The following ANKRD60 variants were observed in gnomAD, a reference collection of about 807,000 sequenced individuals.
The protein encoded by ANKRD60 is ankyrin repeat domain-containing protein 60.
ANKRD60 carries 24 observed loss-of-function variants against 21.3 expected under a neutral mutation model. That is an observed-to-expected ratio of 1.13 (90% CI 0.82 to 1.59). ANKRD60 has a LOEUF of 1.59. Ranked by LOEUF, ANKRD60 falls within the 40% of genes most tolerant of loss-of-function variation. The pLI is 0.00. For missense variants in ANKRD60, 490 were observed against 466.7 expected (o/e 1.05, Z -0.46); for synonymous variants, 182 against 199.4 (o/e 0.91, Z 0.74).
In ANKRD60 at chr20:58,228,164, T is replaced by C. The variant is rs1984402731; in HGVS notation, c.430+60A>G. The C allele has an allele frequency of 1.4e-6, 2 of 1,459,398 alleles. No homozygotes were observed. The highest frequency in any genetic ancestry group is 4.4e-5 in the Admixed American group (2 of 45,138). The allele number at this position is 1,459,398 out of a possible 1,614,324, so 90.4% of individuals were successfully genotyped here. A position where few individuals can be genotyped will look rare whatever the true frequency, so the allele number is the denominator to read the frequency against. On this transcript the variant is annotated intron_variant, in intron 1 of 3. Transcript: ENST00000457363. This position sits in a 1 kb window ranked among gnomAD's most constrained non-coding sequence, Gnocchi z 5.3. Reference sequence around the variant, plus strand: ...AGCAGGCTTCCCTTTGGGAATCCACTTCAGAAGTGGACAGGGTGCCCTTGC... The same window carrying C: ...AGCAGGCTTCCCTTTGGGAATCCACCTCAGAAGTGGACAGGGTGCCCTTGC...
intron 2 of ANKRD60, among the ~76,000 whole-genome samples, chr20:58,222,779 G>A (rs549851564): frequency 6.6e-6 from 1 of 152,332 alleles, no homozygotes; most frequent in East Asian, 1.9e-4. Flanking sequence ...TTATAAACAT[G>A]AATAGAAACG....
intron 2 of ANKRD60, among the ~76,000 whole-genome samples, 174 bp from the exon 3 acceptor site, chr20:58,221,677 G>C (rs564079459): frequency 6.6e-6 from 1 of 152,282 alleles, no homozygotes; most frequent in Admixed American, 6.5e-5. Context: ...GGACAGCATG[G>C]GGAGGCCATG....
chr20:58,227,527 G>C (rs538095088), intron 1 of ANKRD60, among the ~76,000 whole-genome samples: 13 of 152,204 alleles, frequency 8.5e-5, no homozygotes, highest in African/African-American at 3.1e-4. Flanking sequence ...TCCTGGGGGG[G>C]ATGTGGTAGC....
intron 1 of ANKRD60, among the ~76,000 whole-genome samples, chr20:58,226,662 G>A (rs879858992): frequency 2.0e-5 from 3 of 152,158 alleles, no homozygotes; most frequent in Non-Finnish European, 2.9e-5. Context: ...GTTCAGATAT[G>A]TGTGGGTTTG....
At chr20:58,218,831 A>C (rs1208896247) in intron 3 of ANKRD60, 26 bp from the exon 4 acceptor site, 4 of 1,510,982 alleles carry the variant, frequency 2.6e-6, no homozygotes, top group Non-Finnish European at 3.6e-6. Flanking sequence ...ATTGGCCAGA[A>C]GGAAGACATG....
chr20:58,220,454 T>G (rs947863318), intron 3 of ANKRD60, among the ~76,000 whole-genome samples: 4 of 150,740 alleles, frequency 2.7e-5, no homozygotes, highest in Non-Finnish European at 5.9e-5. Context: ...GAGACAATGT[T>G]GGCTAAGGCT....
exon 3 of ANKRD60, chr20:58,221,494 G>A: frequency 6.4e-7 from 1 of 1,551,662 alleles, no homozygotes; most frequent in Non-Finnish European, 8.7e-7. Flanking sequence ...GTAAGCCCGA[G>A]ACAAGATAGC....
intron 3 of ANKRD60, among the ~76,000 whole-genome samples, chr20:58,220,024 A>G (rs981352587): frequency 6.6e-6 from 1 of 152,210 alleles, no homozygotes; most frequent in African/African-American, 2.4e-5. Context: ...GCACGGCCCA[A>G]TCATCCGGCC....
chr20:58,222,801 C>A lies in ANKRD60; in HGVS notation c.561+251G>T, dbSNP rs138696577. Among the ~76,000 whole-genome samples the A allele has an allele frequency of 8.1e-3, 1,232 of 152,332 alleles. 20 individuals carry two copies. Among genetic ancestry groups the A allele is most frequent in the African/African-American group, 0.028 (1,178 of 41,582 alleles). On this transcript the variant is annotated intron_variant, in intron 2 of 3. Coordinates refer to ENST00000457363, the Ensembl canonical transcript of ANKRD60. Reference sequence around the variant, plus strand: ...CATGAATAGAAACGTGCTGCCTCGACTCCTTTGCGGGGAGGGGTGGGGCGG... The same window carrying A: ...CATGAATAGAAACGTGCTGCCTCGAATCCTTTGCGGGGAGGGGTGGGGCGG...
At chr20:58,217,850 C>T (rs148461075), downstream of ANKRD60, among the ~76,000 whole-genome samples, 139 of 152,292 alleles carry the variant, frequency 9.1e-4, 1 homozygote, top group Middle Eastern at 3.4e-3. Context: ...TGATTCTCAT[C>T]TTCTTTTACA....
chr20:58,218,922 T>G, intron 3 of ANKRD60, 117 bp from the exon 4 acceptor site: 1 of 934,110 alleles, frequency 1.1e-6, no homozygotes, highest in Non-Finnish European at 1.6e-6. Context: ...CCAGCTCCAG[T>G]ACTGCCCTGC....
intron 1 of ANKRD60, among the ~76,000 whole-genome samples, chr20:58,227,818 G>C (rs1984395244): frequency 6.6e-6 from 1 of 152,106 alleles, no homozygotes; most frequent in African/African-American, 2.4e-5. Context: ...TTTCAGACAA[G>C]TCTTACATGA....
chr20:58,228,011 A>C lies in ANKRD60; in HGVS notation c.430+213T>G, dbSNP rs1315298551. 6.6e-6 allele frequency among the ~76,000 whole-genome samples: 1 copy of C among 152,070 alleles called. No individual in the cohort carries two copies. The highest frequency in any genetic ancestry group is 1.5e-5 in the Non-Finnish European group (1 of 68,024). ...CAAGGTTTGCCTTGATTGGGAGTCC[A>C]ATTTGAACGCCGTGTGTTTGAGATT... is the stretch of plus-strand genomic sequence containing the variant. On this transcript the variant is annotated intron_variant, in intron 1 of 3. Coordinates refer to ENST00000457363, the Ensembl canonical transcript of ANKRD60. The surrounding 1 kb of genome is among the most constrained non-coding windows in gnomAD (Gnocchi z 5.3).
intron 2 of ANKRD60, 150 bp downstream of exon 2, chr20:58,222,902 C>T (rs995864869): frequency 1.2e-5 from 13 of 1,041,118 alleles, no homozygotes; most frequent in African/African-American, 1.1e-4. Flanking sequence ...ACCCTCAGTG[C>T]GGTATTTCAT....
chr20:58,224,784 A>G (rs1300878662), intron 1 of ANKRD60, among the ~76,000 whole-genome samples: 1 of 152,266 alleles, frequency 6.6e-6, no homozygotes, highest in Non-Finnish European at 1.5e-5. Context: ...CACATGCTGA[A>G]CAGCCCCTGT....
At chr20:58,222,621 G>A (rs1277933023) in intron 2 of ANKRD60, among the ~76,000 whole-genome samples, 3 of 152,140 alleles carry the variant, frequency 2.0e-5, no homozygotes, top group Non-Finnish European at 4.4e-5. Flanking sequence ...AGCGCCCGCC[G>A]CTCACCCCGG....
intron 2 of ANKRD60, among the ~76,000 whole-genome samples, chr20:58,222,849 T>C (rs1052443796): frequency 6.6e-6 from 1 of 152,108 alleles, no homozygotes; most frequent in African/African-American, 2.4e-5. Context: ...AAATCACAAA[T>C]CGATAAACCC....
intron 2 of ANKRD60, 132 bp from the exon 3 acceptor site, chr20:58,221,635 G>A: frequency 1.9e-6 from 2 of 1,027,938 alleles, no homozygotes; most frequent in Non-Finnish European, 2.8e-6. Context: ...AAAGAGAGGT[G>A]CAAACCCTCA....
At chr20:58,219,931 C>T (rs575728499) in intron 3 of ANKRD60, among the ~76,000 whole-genome samples, 1 of 152,292 alleles carries the variant, frequency 6.6e-6, no homozygotes, top group South Asian at 2.1e-4. Context: ...TTACAACAAG[C>T]AAAGAGCAGA....
Sources: allele counts gnomAD v4.1 joint callset (sites outside exome capture counted in the v4.1 genomes callset), GRCh38; gene constraint gnomAD v4.1.1; non-coding constraint Gnocchi (gnomAD v3.1); transcripts MANE v1.5; gene names NCBI Gene and HGNC (gene_info 2026-07-23, HGNC 2026-07-21).